MGRN1: variants seen among roughly 807,000 people sequenced by gnomAD.
MGRN1 encodes E3 ubiquitin-protein ligase MGRN1.
Under a neutral mutation model 69.2 loss-of-function variants are expected in MGRN1, and 29 were observed. That is an observed-to-expected ratio of 0.42 (90% CI 0.31 to 0.57). The LOEUF (loss-of-function observed/expected upper bound fraction) is 0.57, where lower values mean the gene tolerates loss of function less well. Among genes scored for constraint, MGRN1 ranks in the 20% least tolerant of loss-of-function variants. The pLI is 0.15. For missense variants in MGRN1, 998 were observed against 796.2 expected (o/e 1.25, Z -3.05); for synonymous variants, 470 against 344.2 (o/e 1.37, Z -4.04).
intron 4 of MGRN1, among the ~76,000 whole-genome samples, chr16:4,655,010 G>A (rs1319083558): frequency 1.3e-5 from 2 of 152,186 alleles, no homozygotes; most frequent in African/African-American, 2.4e-5. Flanking sequence ...TATGACAGGC[G>A]TCGAATTCTT....
chr16:4,668,205 C>G, intron 7 of MGRN1, 60 bp from the exon 8 acceptor site: 1 of 1,552,150 alleles, frequency 6.4e-7, no homozygotes, highest in Middle Eastern at 1.7e-4. Flanking sequence ...GGCGGCCACG[C>G]AGGGGTGCTC....
chr16:4,687,657 G>C (rs2079362728), intron 16 of MGRN1: 2 of 984,932 alleles, frequency 2.0e-6, no homozygotes, highest in Non-Finnish European at 2.4e-6. Context: ...AATGTAGGCA[G>C]ACGGATTGGG....
chr16:4,626,865 G>T (rs981857116), intron 1 of MGRN1, among the ~76,000 whole-genome samples: 2 of 152,346 alleles, frequency 1.3e-5, no homozygotes, highest in African/African-American at 4.8e-5. Context: ...CCATCAGCTA[G>T]CTGCCTGGGT....
Position 4,639,246 on chromosome 16 carries a change from G to A in MGRN1, c.89-11119G>A, listed in dbSNP as rs548030368. Among the ~76,000 whole-genome samples, 3 of 152,286 alleles carry A rather than the reference G, an allele frequency of 2.0e-5. No homozygotes were observed. In the East Asian group the frequency reaches 5.8e-4, roughly 29 times the overall value. On this transcript the variant is annotated intron_variant, in intron 1 of 16. Coordinates refer to ENST00000262370, the MANE Select transcript of MGRN1 (RefSeq NM_015246.4). Reference sequence around the variant, plus strand: ...ACAGAGGGAACCAACAGGTACACGAGATAAAGCAGCAGTGACACTATGAGG... The same window carrying A: ...ACAGAGGGAACCAACAGGTACACGAAATAAAGCAGCAGTGACACTATGAGG...
intron 16 of MGRN1, chr16:4,687,129 C>T (rs563908662): frequency 4.1e-6 from 4 of 985,466 alleles, no homozygotes; most frequent in South Asian, 9.4e-5. Context: ...TGCCGACTCA[C>T]CTGTCCCTCC....
chr16:4,652,929 C>T (rs1209819433), intron 4 of MGRN1, 105 bp downstream of exon 4: 1 of 1,372,380 alleles, frequency 7.3e-7, no homozygotes, highest in Non-Finnish European at 9.6e-7. Flanking sequence ...AAACCGTGCT[C>T]TTTGACCATA....
At chr16:4,656,712 C>T (rs1327437102) in intron 4 of MGRN1, among the ~76,000 whole-genome samples, 1 of 152,060 alleles carries the variant, frequency 6.6e-6, no homozygotes, top group Admixed American at 6.6e-5. Flanking sequence ...GAAACCCCAT[C>T]TGTACTAAAA....
At position 4,682,812 on chromosome 16, in the gene MGRN1, T is replaced by C; in HGVS notation, c.1359-11T>C. On this transcript the variant is annotated splice_polypyrimidine_tract_variant and intron_variant, in intron 13 of 16. Coordinates refer to ENST00000262370, the MANE Select transcript of MGRN1 (RefSeq NM_015246.4). ...CCTCTCACCCCTGCCCACCCTCTCC[T>C]CTGTCCCCAGCACCCTACGGTCCCC... 1 of 1,551,878 alleles carries C rather than the reference T, an allele frequency of 6.4e-7. No homozygotes were observed. The highest frequency in any genetic ancestry group is 8.7e-7 in the Non-Finnish European group (1 of 1,143,220).
Position 4,688,815 on chromosome 16 carries a change from G to A in MGRN1, c.1638G>A (p.Glu546=). Residue 546 remains glutamate, a synonymous_variant, in exon 17 of 17, where the codon GAG becomes GAA. Coordinates refer to ENST00000262370, the MANE Select transcript of MGRN1 (RefSeq NM_015246.4). ...CTGCAGGACGGCCCACCTCCATGGA[G>A]ACGGCCCACGGCCTCGCCACCACCA... ...IYLPGRPTSM[E]TAHGLATTSP... 2.6e-6 allele frequency: 4 copies of A among 1,552,056 alleles called. No homozygotes were observed. The South Asian group carries it at 4.7e-5, about 18-fold the overall frequency.
At chr16:4,677,764 C>T (rs767900814) in intron 11 of MGRN1, among the ~76,000 whole-genome samples, 192 bp downstream of exon 11, 5 of 150,594 alleles carry the variant, frequency 3.3e-5, no homozygotes, top group East Asian at 2.0e-4. Flanking sequence ...CTGCTGGGAA[C>T]AGCGCTGCTG....
rs1459825093 is a variant in MGRN1 at position 4,690,886 on chromosome 16, C to G, written c.*1978C>G. On this transcript the variant is annotated 3_prime_UTR_variant, in exon 17 of 17. Transcript: ENST00000262370. ...GGCCGCAGAGTGGCCCGCTGGGACT[C>G]CCATGTGCTGCCGTCTGATGTGCTC... The G allele has an allele frequency of 6.6e-6, 1 of 151,368 alleles. No individual in the cohort carries two copies. Among genetic ancestry groups the G allele is most frequent in the Non-Finnish European group, 1.5e-5 (1 of 67,860 alleles). 9.4% of individuals were successfully genotyped at this position (151,368 alleles called of 1,614,324 possible). A position where few individuals can be genotyped will look rare whatever the true frequency, so the allele number is the denominator to read the frequency against.
At position 4,681,565 on chromosome 16, in the gene MGRN1, C is replaced by T. The variant is rs967815207; in HGVS notation, c.1147C>T (p.Pro383Ser). 6.2e-7 allele frequency: 1 copy of T among 1,612,916 alleles called. No homozygotes were observed. The highest frequency in any genetic ancestry group is 1.1e-5 in the South Asian group (1 of 90,982). The change falls in exon 13 of 17, where the codon CCA (proline) becomes TCA (serine). Residue 383 changes from proline (P) to serine (S), a missense_variant. Pro to Ser is a moderately conservative substitution (Grantham distance 74). Coordinates refer to ENST00000262370, the MANE Select transcript of MGRN1 (RefSeq NM_015246.4). ...PKRETNSDSV[P>S]PGYEPISLLE... is the part of the protein sequence containing the mutation. ...GTCCCTACAGAACTCTGACAGCGTC[C>T]CACCTGGCTACGAGCCCATCTCGCT...
rs2079399458 is a variant in MGRN1 at position 4,688,968 on chromosome 16, C to T, written c.*60C>T. On this transcript the variant is annotated 3_prime_UTR_variant, in exon 17 of 17. Coordinates refer to ENST00000262370, the MANE Select transcript of MGRN1 (RefSeq NM_015246.4). ...CTCCCCAGACTTTGCCGAGGGGCTGCTCCGGACCCCGTTGTGAGCCGGCCT... is the reference window on the plus strand; with the variant it reads ...CTCCCCAGACTTTGCCGAGGGGCTGTTCCGGACCCCGTTGTGAGCCGGCCT... 1.3e-6 allele frequency: 2 copies of T among 1,481,860 alleles called. No individual in the cohort carries two copies. The highest frequency in any genetic ancestry group is 1.8e-6 in the Non-Finnish European group (2 of 1,109,394). 91.8% of individuals were successfully genotyped at this position (1,481,860 alleles called of 1,614,324 possible).
chr16:4,647,178 G>A (rs527861576), intron 1 of MGRN1, among the ~76,000 whole-genome samples: 5 of 152,350 alleles, frequency 3.3e-5, no homozygotes, highest in South Asian at 2.1e-4. Context: ...TCCTTCATGT[G>A]GTTTTCATGA....
intron 16 of MGRN1, chr16:4,688,542 G>A (rs1408736516): frequency 1.6e-6 from 2 of 1,261,200 alleles, no homozygotes; most frequent in South Asian, 2.9e-5. Flanking sequence ...CTCTGACTCG[G>A]GGCTGCAGAT....
At chr16:4,676,452 G>A (rs1483044021) in intron 10 of MGRN1, among the ~76,000 whole-genome samples, 1 of 152,204 alleles carries the variant, frequency 6.6e-6, no homozygotes, top group Non-Finnish European at 1.5e-5. Context: ...GGAATCTTCA[G>A]GTGTGTGGGG....
chr16:4,676,616 C>T (rs2079058686), intron 10 of MGRN1, among the ~76,000 whole-genome samples: 1 of 152,134 alleles, frequency 6.6e-6, no homozygotes, highest in Non-Finnish European at 1.5e-5. Flanking sequence ...AGGCCCTGTC[C>T]CTGGGCTGAC....
intron 16 of MGRN1, chr16:4,687,596 C>T (rs1343742357): frequency 3.0e-6 from 3 of 984,632 alleles, no homozygotes; most frequent in Non-Finnish European, 3.6e-6. Context: ...CACACACACA[C>T]ACACACACAC....
chr16:4,679,229 C>T (rs1357978936), intron 11 of MGRN1, among the ~76,000 whole-genome samples: 1 of 152,200 alleles, frequency 6.6e-6, no homozygotes, highest in Non-Finnish European at 1.5e-5. Flanking sequence ...GATGCTCAGG[C>T]GTGGCTAGGT....
Sources: gnomAD v4.1 joint callset for allele counts (sites outside exome capture counted in the v4.1 genomes callset) on GRCh38, gnomAD v4.1.1 for gene constraint, MANE v1.5 for transcripts, NCBI Gene and HGNC (gene_info 2026-07-23, HGNC 2026-07-21) for gene names.